NRG3: variants seen among roughly 807,000 people sequenced by gnomAD.
The protein encoded by NRG3 is neuregulin 3, also known as pro-neuregulin-3, membrane-bound isoform.
NRG3 carries 31 observed loss-of-function variants against 66.9 expected under a neutral mutation model. The ratio of observed to expected loss-of-function variants is 0.46; its 90% CI spans 0.35 to 0.63. The LOEUF (loss-of-function observed/expected upper bound fraction) is 0.63. NRG3 is among the 20% of genes least tolerant of loss of function. NRG3 has a pLI of 0.00. For missense variants in NRG3, 910 were observed against 878.9 expected (o/e 1.04, Z -0.45); for synonymous variants, 393 against 359.4 (o/e 1.09, Z -1.06).
intron 2 of NRG3, among the ~76,000 whole-genome samples, chr10:82,414,886 T>G (rs2088419088): frequency 6.6e-6 from 1 of 152,178 alleles, no homozygotes; most frequent in South Asian, 2.1e-4. Flanking sequence ...GAAGAACTCC[T>G]TCTTTCTGAA....
intron 2 of NRG3, among the ~76,000 whole-genome samples, chr10:82,507,479 AG>A (rs1271569832): frequency 1.3e-5 from 2 of 152,226 alleles, no homozygotes; most frequent in Non-Finnish European, 2.9e-5. Context: ...TGAAGGGAAC[AG>A]GTGTGAAAAA....
chr10:82,400,950 C>G (rs981665751), intron 2 of NRG3, among the ~76,000 whole-genome samples: 1 of 152,118 alleles, frequency 6.6e-6, no homozygotes, highest in Non-Finnish European at 1.5e-5. Context: ...TCTTGCCACC[C>G]TGTGCTATCT....
At chr10:81,940,473 G>A (rs1460241396) in intron 1 of NRG3, among the ~76,000 whole-genome samples, 1 of 152,026 alleles carries the variant, frequency 6.6e-6, no homozygotes, top group Non-Finnish European at 1.5e-5. Context: ...AGCCTCCTAG[G>A]TAGCTGGGAC....
At chr10:81,896,144 T>C (rs10399981) in intron 1 of NRG3, among the ~76,000 whole-genome samples, 8,138 of 152,204 alleles carry the variant, frequency 0.053, 264 homozygotes, top group South Asian at 0.16. Context: ...TAGAAAGATA[T>C]CCATTTCCAG....
chr10:82,786,401 T>A (rs1388989560), intron 3 of NRG3, among the ~76,000 whole-genome samples: 1 of 152,164 alleles, frequency 6.6e-6, no homozygotes, highest in Non-Finnish European at 1.5e-5. Context: ...TTGTTGGGTT[T>A]AGTACTGACT....
intron 1 of NRG3, among the ~76,000 whole-genome samples, chr10:82,269,691 T>A (rs1454854288): frequency 6.6e-6 from 1 of 152,174 alleles, no homozygotes; most frequent in Non-Finnish European, 1.5e-5. Context: ...TTTTGTGCAG[T>A]GGTTCTCAAA....
At chr10:82,615,317 C>T (rs1382942596) in intron 2 of NRG3, among the ~76,000 whole-genome samples, 1 of 151,988 alleles carries the variant, frequency 6.6e-6, no homozygotes, top group Non-Finnish European at 1.5e-5. Context: ...GAGCCATGTA[C>T]ATATCTAGTA....
At chr10:82,795,616 C>T (rs972659054) in intron 3 of NRG3, among the ~76,000 whole-genome samples, 6 of 152,122 alleles carry the variant, frequency 3.9e-5, no homozygotes, top group African/African-American at 1.4e-4. Flanking sequence ...AACAAGTGTT[C>T]TTCTGGGCAG....
chr10:82,869,337 A>G (rs1338265042), intron 4 of NRG3, among the ~76,000 whole-genome samples: 1 of 152,170 alleles, frequency 6.6e-6, no homozygotes, highest in Non-Finnish European at 1.5e-5. Flanking sequence ...CAATAGAGGT[A>G]CATTTGTTAC....
chr10:82,501,714 A>G (rs920877911), intron 2 of NRG3, among the ~76,000 whole-genome samples: 2 of 152,180 alleles, frequency 1.3e-5, no homozygotes, highest in African/African-American at 4.8e-5. Context: ...AAGGTTGACC[A>G]TGCATCAAGT....
At chr10:82,167,248 A>C (rs1451057951) in intron 1 of NRG3, among the ~76,000 whole-genome samples, 1 of 152,026 alleles carries the variant, frequency 6.6e-6, no homozygotes, top group African/African-American at 2.4e-5. Flanking sequence ...ATTATTATTC[A>C]TAAAATTTTT....
intron 1 of NRG3, among the ~76,000 whole-genome samples, chr10:82,115,646 G>T (rs527983667): frequency 1.3e-5 from 2 of 152,170 alleles, no homozygotes; most frequent in South Asian, 4.2e-4. Context: ...AGGCCTAAAA[G>T]ATAATCAAAT....
intron 1 of NRG3, among the ~76,000 whole-genome samples, chr10:82,140,221 A>G (rs2069668550): frequency 6.6e-6 from 1 of 152,088 alleles, no homozygotes; most frequent in Non-Finnish European, 1.5e-5. Context: ...TCATTCACTT[A>G]TTATTTTACG....
intron 2 of NRG3, among the ~76,000 whole-genome samples, chr10:82,429,765 A>G (rs941265488): frequency 2.6e-5 from 4 of 152,010 alleles, no homozygotes; most frequent in Non-Finnish European, 5.9e-5. Flanking sequence ...CATATTAGTA[A>G]GCTTCATAGT....
At chr10:82,313,014 C>G (rs1014436828) in intron 1 of NRG3, among the ~76,000 whole-genome samples, 1 of 151,894 alleles carries the variant, frequency 6.6e-6, no homozygotes, top group African/African-American at 2.4e-5. Flanking sequence ...CCTTCTCTAC[C>G]AAAAATACTA....
In NRG3 at chr10:82,985,085, G is replaced by GT. The variant is rs1449646099; in HGVS notation, c.1584-10dup. The GT allele has an allele frequency of 6.2e-7, 1 of 1,610,808 alleles. No individual in the cohort carries two copies. The highest frequency in any genetic ancestry group is 2.2e-5 in the East Asian group (1 of 44,878). On this transcript the variant is annotated splice_polypyrimidine_tract_variant and intron_variant, in intron 8 of 8. Coordinates refer to ENST00000372141, the MANE Select transcript of NRG3 (RefSeq NM_001010848.4). ...TAGAAAGCAGAAGGAGTAACACTGTGTTTCTTTTTCAGGTATTCATCCAGT... is the reference window on the plus strand; with the variant it reads ...TAGAAAGCAGAAGGAGTAACACTGTGTTTTCTTTTTCAGGTATTCATCCAGT...
intron 2 of NRG3, among the ~76,000 whole-genome samples, chr10:82,651,439 A>T (rs1439332388): frequency 8.5e-5 from 13 of 152,238 alleles, no homozygotes; most frequent in Admixed American, 8.5e-4. Flanking sequence ...ACTGGGTCAT[A>T]AAGGACACCA....
At chr10:81,924,770 C>A (rs1846606887) in intron 1 of NRG3, among the ~76,000 whole-genome samples, 2 of 152,124 alleles carry the variant, frequency 1.3e-5, no homozygotes, top group Admixed American at 1.3e-4. Flanking sequence ...CAAAGAAGGT[C>A]GGTCACTGGA....
intron 3 of NRG3, chr10:82,827,159 T>G: frequency 2.9e-6 from 1 of 348,846 alleles, no homozygotes; most frequent in Non-Finnish European, 5.5e-6. Context: ...ATGAACAAGT[T>G]CTCATCTTCA....
Sources: allele counts gnomAD v4.1 joint callset (sites outside exome capture counted in the v4.1 genomes callset), GRCh38; gene constraint gnomAD v4.1.1; transcripts MANE v1.5; gene names NCBI Gene and HGNC (gene_info 2026-07-23, HGNC 2026-07-21).